CHST11: variants seen among roughly 807,000 people sequenced by gnomAD.
The protein encoded by CHST11 is C4S-1.
Under a neutral mutation model 30.4 loss-of-function variants are expected in CHST11, and 9 were observed. The ratio of observed to expected loss-of-function variants is 0.30; its 90% CI spans 0.18 to 0.52. CHST11 has a LOEUF of 0.52. Among genes scored for constraint, CHST11 ranks in the 20% least tolerant of loss-of-function variants. The pLI is 0.97. For synonymous variants in CHST11, 152 were observed against 187.8 expected, an observed-to-expected ratio of 0.81 and a Z score of 1.56; for missense variants, 348 against 460.6, an observed-to-expected ratio of 0.76 and a Z score of 2.24.
At chr12:104,485,328 C>T (rs1012239165) in intron 1 of CHST11, among the ~76,000 whole-genome samples, 1 of 152,184 alleles carries the variant, frequency 6.6e-6, no homozygotes. Context: ...GCAAATGATT[C>T]CAGCAGAGAA....
chr12:104,678,732 G>A (rs549024125), intron 2 of CHST11, among the ~76,000 whole-genome samples: 24 of 152,144 alleles, frequency 1.6e-4, no homozygotes, highest in Non-Finnish European at 2.6e-4. Context: ...TTTTCTTCAC[G>A]GTGGGGGAGA....
intron 2 of CHST11, among the ~76,000 whole-genome samples, chr12:104,708,772 G>A (rs2040059316): frequency 6.6e-6 from 1 of 152,170 alleles, no homozygotes; most frequent in African/African-American, 2.4e-5. Context: ...CTTCTCAGAT[G>A]GGTCTACTCT....
chr12:104,737,540 G>T (rs1425091424), intron 2 of CHST11, among the ~76,000 whole-genome samples: 1 of 152,156 alleles, frequency 6.6e-6, no homozygotes, highest in Non-Finnish European at 1.5e-5. Context: ...CCCTTGTCTG[G>T]CCACCTTGGG....
chr12:104,462,319 T>C (rs999570293), intron 1 of CHST11, among the ~76,000 whole-genome samples: 1 of 151,028 alleles, frequency 6.6e-6, no homozygotes, highest in African/African-American at 2.4e-5. Context: ...TTCTGTATTT[T>C]TCTCAACTAT....
chr12:104,726,370 G>A (rs990432550), intron 2 of CHST11, among the ~76,000 whole-genome samples: 18 of 152,320 alleles, frequency 1.2e-4, no homozygotes, highest in Middle Eastern at 3.4e-3. Flanking sequence ...TGGATCTGCC[G>A]TTGAGCATAT....
chr12:104,575,701 G>A (rs940888420), intron 1 of CHST11, among the ~76,000 whole-genome samples: 3 of 152,040 alleles, frequency 2.0e-5, no homozygotes, highest in Admixed American at 6.5e-5. Flanking sequence ...CCAGCTGTCA[G>A]GGTAAAGGAT....
At chr12:104,716,261 A>C (rs1592855147) in intron 2 of CHST11, among the ~76,000 whole-genome samples, 2 of 152,310 alleles carry the variant, frequency 1.3e-5, no homozygotes, top group Non-Finnish European at 2.9e-5. Flanking sequence ...CTTCTCTGGG[A>C]TGGCCCCCAT....
chr12:104,501,590 G>A (rs1331495467), intron 1 of CHST11, among the ~76,000 whole-genome samples: 3 of 152,314 alleles, frequency 2.0e-5, no homozygotes, highest in East Asian at 3.9e-4. Flanking sequence ...GCCCCAAGCC[G>A]ACACTCTGAG....
rs1291322539 is a variant in CHST11 at position 104,760,813 on chromosome 12, C to G, written c.*3010C>G. On this transcript the variant is annotated 3_prime_UTR_variant, in exon 3 of 3. Transcript: ENST00000303694. ...ATTGAAACTTTAAAAAAAATGGATT[C>G]AACTGTTTTTGCAGAATGTAGAAAG... 6.6e-6 allele frequency: 1 copy of G among 152,158 alleles called. No individual in the cohort carries two copies. Among genetic ancestry groups the G allele is most frequent in the African/African-American group, 2.4e-5 (1 of 41,418 alleles). The allele number at this position is 152,158 out of a possible 1,614,324, so 9.4% of individuals were successfully genotyped here. A position where few individuals can be genotyped will look rare whatever the true frequency, so the allele number is the denominator to read the frequency against.
At chr12:104,500,664 T>C (rs1280582177) in intron 1 of CHST11, among the ~76,000 whole-genome samples, 2 of 152,188 alleles carry the variant, frequency 1.3e-5, no homozygotes, top group Non-Finnish European at 2.9e-5. Flanking sequence ...TATATGTTTT[T>C]CCCCACAAAG....
intron 2 of CHST11, among the ~76,000 whole-genome samples, chr12:104,748,648 AAG>A (rs929716818): frequency 4.6e-5 from 7 of 152,150 alleles, no homozygotes; most frequent in Non-Finnish European, 7.3e-5. Flanking sequence ...CTACAGGCCA[AAG>A]AGAGAAGCCT....
At chr12:104,493,796 C>T (rs1439270735) in intron 1 of CHST11, among the ~76,000 whole-genome samples, 2 of 152,210 alleles carry the variant, frequency 1.3e-5, no homozygotes, top group East Asian at 1.9e-4. Context: ...GTGATGCTGC[C>T]TGTGGTATCA....
At chr12:104,502,261 G>A (rs56020814) in intron 1 of CHST11, among the ~76,000 whole-genome samples, 47,077 of 151,836 alleles carry the variant, frequency 0.31, 7,519 homozygotes, top group Admixed American at 0.34. Flanking sequence ...TGCCAAGGCT[G>A]GTCTTGAACT....
At chr12:104,651,870 A>G (rs375101033) in intron 2 of CHST11, among the ~76,000 whole-genome samples, 10 of 152,256 alleles carry the variant, frequency 6.6e-5, no homozygotes, top group African/African-American at 1.7e-4. Flanking sequence ...GAAGCTCCCA[A>G]TCGATGCATT....
intron 1 of CHST11, among the ~76,000 whole-genome samples, chr12:104,504,138 G>T (rs1371017429): frequency 1.3e-5 from 2 of 152,148 alleles, no homozygotes; most frequent in Admixed American, 6.5e-5. Context: ...CACACCCCCA[G>T]GGCAGTCATC....
chr12:104,520,289 A>G (rs2038062845), intron 1 of CHST11, among the ~76,000 whole-genome samples: 1 of 152,184 alleles, frequency 6.6e-6, no homozygotes, highest in African/African-American at 2.4e-5. Context: ...TACATGCCAC[A>G]TAAGCTAATG....
intron 1 of CHST11, among the ~76,000 whole-genome samples, chr12:104,546,748 C>A (rs1399616146): frequency 6.6e-6 from 1 of 152,084 alleles, no homozygotes; most frequent in Non-Finnish European, 1.5e-5. Context: ...CTCTTTTCCC[C>A]ACTGGACAAA....
At chr12:104,670,109 T>G (rs2039676032) in intron 2 of CHST11, among the ~76,000 whole-genome samples, 1 of 152,232 alleles carries the variant, frequency 6.6e-6, no homozygotes. Context: ...CAGAAGAATC[T>G]GGACTCCACA....
chr12:104,639,038 T>C (rs543527021), intron 2 of CHST11, among the ~76,000 whole-genome samples: 2 of 152,342 alleles, frequency 1.3e-5, no homozygotes, highest in Non-Finnish European at 2.9e-5. Context: ...CTTGCTAGTC[T>C]GTGGCTTGGT....
Sources: gnomAD v4.1 joint callset for allele counts (sites outside exome capture counted in the v4.1 genomes callset) on GRCh38, gnomAD v4.1.1 for gene constraint, MANE v1.5 for transcripts, NCBI Gene and HGNC (gene_info 2026-07-23, HGNC 2026-07-21) for gene names.